GPR137B: variants seen among roughly 807,000 people sequenced by gnomAD.
GPR137B encodes G protein-coupled receptor 137B.
GPR137B carries 42 observed loss-of-function variants against 42.5 expected under a neutral mutation model. The observed-to-expected ratio is 0.99, with a 90% CI of 0.77 to 1.28. The LOEUF (loss-of-function observed/expected upper bound fraction) is 1.28. Ranked by LOEUF, GPR137B falls within the 50% of genes most tolerant of loss-of-function variation. The pLI, the probability that GPR137B is intolerant of heterozygous loss-of-function variation, is 0.00. For synonymous variants in GPR137B, 218 were observed against 209.7 expected, an observed-to-expected ratio of 1.04 and a Z score of -0.34; for missense variants, 487 against 493.9, an observed-to-expected ratio of 0.99 and a Z score of 0.13.
chr1:236,192,813 C>T (rs766746616), intron 5 of GPR137B, among the ~76,000 whole-genome samples: 5 of 152,228 alleles, frequency 3.3e-5, no homozygotes, highest in East Asian at 3.9e-4. Flanking sequence ...ATGTTTTTAT[C>T]GCTGTATGAC....
intron 3 of GPR137B, among the ~76,000 whole-genome samples, chr1:236,178,905 C>T (rs1247041344): frequency 3.4e-5 from 5 of 148,446 alleles, no homozygotes; most frequent in African/African-American, 5.0e-5. Context: ...TCACGCCATT[C>T]TCCTGCCTCA....
At chr1:236,181,423 T>C (rs12067787) in intron 4 of GPR137B, among the ~76,000 whole-genome samples, 11,590 of 152,154 alleles carry the variant, frequency 0.076, 1,314 homozygotes, top group African/African-American at 0.25. Flanking sequence ...TTGGGAGCTT[T>C]ATGGTCCACT....
chr1:236,208,126 AC>A lies in GPR137B; in HGVS notation c.1169del (p.Thr390IlefsTer14). On this transcript the variant is annotated frameshift_variant, in exon 7 of 7. Coordinates refer to ENST00000366592, the MANE Select transcript of GPR137B (RefSeq NM_003272.4). LOFTEE classifies it high-confidence loss of function. Reference sequence around the variant, plus strand: ...ACAAGCAGGAACTTTGCAAGACTCAACTTTGGATCCTGACAAACCAAGCCTT... The same window carrying A: ...ACAAGCAGGAACTTTGCAAGACTCAATTTGGATCCTGACAAACCAAGCCTT... ...LAQAGTLQDS[T>X]LDPDKPSLG is the part of the protein sequence containing the mutation. 1 of 1,613,792 alleles carries A rather than the reference AC, an allele frequency of 6.2e-7. No individual in the cohort carries two copies. Among genetic ancestry groups the A allele is most frequent in the Non-Finnish European group, 8.5e-7 (1 of 1,179,696 alleles).
intron 5 of GPR137B, among the ~76,000 whole-genome samples, chr1:236,189,206 CTCTTT>C (rs1217391953): frequency 2.6e-5 from 4 of 152,080 alleles, no homozygotes; most frequent in South Asian, 2.1e-4. Context: ...TGATTCTTCT[CTCTTT>C]TCTTCTTTAT....
chr1:236,193,453 T>G (rs952096777), intron 5 of GPR137B, among the ~76,000 whole-genome samples: 1 of 152,216 alleles, frequency 6.6e-6, no homozygotes, highest in Admixed American at 6.5e-5. Context: ...ACTGCCAGAC[T>G]ATTTTCCACA....
intron 1 of GPR137B, among the ~76,000 whole-genome samples, chr1:236,167,389 G>A (rs748762735): frequency 3.9e-5 from 6 of 152,162 alleles, no homozygotes; most frequent in African/African-American, 1.4e-4. Flanking sequence ...AGGACACTAC[G>A]CTAAGTGAAA....
intron 1 of GPR137B, among the ~76,000 whole-genome samples, chr1:236,148,543 T>C (rs1661745472): frequency 1.3e-5 from 2 of 152,174 alleles, no homozygotes; most frequent in African/African-American, 4.8e-5. Context: ...GGTGCTGTGA[T>C]GAATGGACAC....
intron 5 of GPR137B, among the ~76,000 whole-genome samples, chr1:236,203,583 G>A (rs1340574640): frequency 1.3e-5 from 2 of 152,132 alleles, no homozygotes; most frequent in African/African-American, 2.4e-5. Context: ...GATGGGGATT[G>A]CATTGAATCT....
Position 236,205,886 on chromosome 1 carries a change from A to G in GPR137B, c.1091+636A>G, listed in dbSNP as rs531573254. On this transcript the variant is annotated intron_variant, in intron 6 of 6. Transcript: ENST00000366592. Reference sequence around the variant, plus strand: ...ATGCCGAGCGAGCCTGTAATATGCTAATGTGTGCTCTGAATCTCCAAGAGG... The same window carrying G: ...ATGCCGAGCGAGCCTGTAATATGCTGATGTGTGCTCTGAATCTCCAAGAGG... Among the ~76,000 whole-genome samples, 8 of 152,348 alleles carry G rather than the reference A, an allele frequency of 5.3e-5. No homozygotes were observed. In the East Asian group the frequency reaches 1.3e-3, roughly 26 times the overall value.
intron 5 of GPR137B, among the ~76,000 whole-genome samples, chr1:236,184,768 T>C (rs1244209413): frequency 6.7e-6 from 1 of 148,230 alleles, no homozygotes; most frequent in Admixed American, 6.6e-5. Flanking sequence ...GTTTGCTTTT[T>C]GGTTTTTTTT....
intron 5 of GPR137B, among the ~76,000 whole-genome samples, chr1:236,190,277 CTT>C (rs55692213): frequency 0.33 from 50,129 of 150,854 alleles, 8,844 homozygotes; most frequent in East Asian, 0.61. Context: ...GGTCTTGACT[CTT>C]TATCCAATTT....
At chr1:236,161,778 TG>T (rs1467054335) in intron 1 of GPR137B, among the ~76,000 whole-genome samples, 2 of 152,138 alleles carry the variant, frequency 1.3e-5, no homozygotes, top group Non-Finnish European at 2.9e-5. Context: ...GCCGCCGCCA[TG>T]TAAGAAATGC....
At chr1:236,173,096 C>T in intron 2 of GPR137B, among the ~76,000 whole-genome samples, 1 of 151,160 alleles carries the variant, frequency 6.6e-6, no homozygotes, top group East Asian at 2.0e-4. Context: ...AGTTCAAGAC[C>T]AGCCGTGACA....
Position 236,201,460 on chromosome 1 carries a change from C to A in GPR137B, c.967-3666C>A, listed in dbSNP as rs571385937. Among the ~76,000 whole-genome samples, 10 of 152,128 alleles carry A rather than the reference C, an allele frequency of 6.6e-5. No homozygotes were observed. In the South Asian group the frequency reaches 1.5e-3, roughly 22 times the overall value. ...CATAATCACAAATTTATTGGAGGCT[C>A]TGTTCATTTTGTAAATTCTTTTTTG... On this transcript the variant is annotated intron_variant, in intron 5 of 6. Coordinates refer to ENST00000366592, the MANE Select transcript of GPR137B (RefSeq NM_003272.4).
intron 6 of GPR137B, chr1:236,207,269 G>A (rs1663691284): frequency 1.0e-6 from 1 of 985,264 alleles, no homozygotes; most frequent in African/African-American, 1.7e-5. Flanking sequence ...TGAGCCAGCA[G>A]ATGTAAAGAA....
chr1:236,168,573 C>A, intron 1 of GPR137B, 133 bp from the exon 2 acceptor site: 1 of 692,334 alleles, frequency 1.4e-6, no homozygotes, highest in South Asian at 1.6e-5. Context: ...GCATAACAAA[C>A]GTGGACATTT....
chr1:236,205,120 T>C lies in GPR137B; in HGVS notation c.967-6T>C. On this transcript the variant is annotated splice_polypyrimidine_tract_variant and splice_region_variant and intron_variant, in intron 5 of 6. Coordinates refer to ENST00000366592, the MANE Select transcript of GPR137B (RefSeq NM_003272.4). ...AAGTATGCTGAATGATTACCTGTCT[T>C]TCTAGACCAACCCTGGAATGGTCCC... The C allele has an allele frequency of 1.9e-6, 3 of 1,611,886 alleles. No individual in the cohort carries two copies. In the East Asian group the frequency reaches 6.7e-5, roughly 36 times the overall value.
At chr1:236,166,259 T>C (rs1662349086) in intron 1 of GPR137B, among the ~76,000 whole-genome samples, 1 of 151,980 alleles carries the variant, frequency 6.6e-6, no homozygotes, top group African/African-American at 2.4e-5. Flanking sequence ...GAGTCATGTA[T>C]TAATCTATTT....
intron 5 of GPR137B, among the ~76,000 whole-genome samples, chr1:236,200,797 G>T (rs1018984430): frequency 7.9e-5 from 12 of 151,914 alleles, no homozygotes; most frequent in Non-Finnish European, 1.8e-4. Context: ...TACCTAGTCT[G>T]CCATTCTGTA....
Sources: allele counts gnomAD v4.1 joint callset (sites outside exome capture counted in the v4.1 genomes callset), GRCh38; gene constraint gnomAD v4.1.1; transcripts MANE v1.5; gene names NCBI Gene and HGNC (gene_info 2026-07-23, HGNC 2026-07-21).